Variants in FAM178B observed in about 807,000 individuals in gnomAD.
FAM178B encodes family with sequence similarity 178 member B.
In FAM178B, 82 loss-of-function variants were observed where a neutral mutation model predicts 91.7. That is an observed-to-expected ratio of 0.89 (90% CI 0.75 to 1.07). The LOEUF (loss-of-function observed/expected upper bound fraction) is 1.07, where lower values mean the gene tolerates loss of function less well. FAM178B is among the 50% of genes least tolerant of loss of function. The pLI, the probability that FAM178B is intolerant of heterozygous loss-of-function variation, is 0.00. For synonymous variants in FAM178B, 368 were observed against 359.4 expected, an observed-to-expected ratio of 1.02 and a Z score of -0.27; for missense variants, 769 against 846.7, an observed-to-expected ratio of 0.91 and a Z score of 1.14.
At chr2:96,973,727 G>A (rs1008367027) in intron 1 of FAM178B, among the ~76,000 whole-genome samples, 2 of 152,182 alleles carry the variant, frequency 1.3e-5, no homozygotes, top group Admixed American at 1.3e-4. Flanking sequence ...GAGGCTGGGT[G>A]CGGTGGCTCA....
intron 12 of FAM178B, among the ~76,000 whole-genome samples, chr2:96,919,110 G>A (rs2153370672): frequency 6.6e-6 from 1 of 152,344 alleles, no homozygotes; most frequent in South Asian, 2.1e-4. Flanking sequence ...CTTGGTGTCT[G>A]AGGGGTTCTG....
chr2:96,969,099 T>C (rs1172339725), intron 4 of FAM178B, among the ~76,000 whole-genome samples: 1 of 152,192 alleles, frequency 6.6e-6, no homozygotes, highest in Non-Finnish European at 1.5e-5. Context: ...CACGGCAACA[T>C]GACAGTGTGG....
chr2:96,942,109 C>T (rs2081742195), intron 8 of FAM178B, among the ~76,000 whole-genome samples: 1 of 152,188 alleles, frequency 6.6e-6, no homozygotes, highest in Non-Finnish European at 1.5e-5. Flanking sequence ...CTACTTATAA[C>T]AGCACCAAAA....
At position 96,981,793 on chromosome 2, in the gene FAM178B, A is replaced by G. The variant is rs1360587774; in HGVS notation, c.73+4448T>C. Among the ~76,000 whole-genome samples the G allele has an allele frequency of 8.7e-5, 13 of 149,974 alleles. No homozygotes were observed. The East Asian group carries it at 2.6e-3, about 30-fold the overall frequency. ...AAAGAAACTGTCCTCTAGGCTGGGC[A>G]CAGGGGCTCACACCTGTAATCCCAG... On this transcript the variant is annotated intron_variant, in intron 1 of 16. Transcript: ENST00000490605.
At chr2:96,976,323 G>A (rs1201126271) in intron 1 of FAM178B, among the ~76,000 whole-genome samples, 1 of 150,152 alleles carries the variant, frequency 6.7e-6, no homozygotes, top group Non-Finnish European at 1.5e-5. Context: ...TCAACCTCCT[G>A]ACCTCATGAT....
chr2:96,977,322 T>C (rs2082303390), intron 1 of FAM178B, among the ~76,000 whole-genome samples: 1 of 143,544 alleles, frequency 7.0e-6, no homozygotes, highest in South Asian at 2.2e-4. Flanking sequence ...GAGGTGGAGG[T>C]TGCAGTGAGC....
At chr2:96,889,718 A>AC (rs1197608597) in intron 14 of FAM178B, among the ~76,000 whole-genome samples, 118 of 136,410 alleles carry the variant, frequency 8.7e-4, no homozygotes, top group African/African-American at 2.8e-3. Context: ...ATAAATAAAT[A>AC]AATACAAAAA....
intron 13 of FAM178B, among the ~76,000 whole-genome samples, chr2:96,900,440 A>C (rs780303152): frequency 7.2e-5 from 11 of 152,096 alleles, no homozygotes; most frequent in Admixed American, 3.9e-4. Context: ...TGTGCCAGGC[A>C]CCGCCAGGTG....
At chr2:96,933,385 G>A (rs967611100) in intron 8 of FAM178B, among the ~76,000 whole-genome samples, 1 of 152,148 alleles carries the variant, frequency 6.6e-6, no homozygotes, top group African/African-American at 2.4e-5. Flanking sequence ...GGGGTATGGG[G>A]GGAAGATAGA....
rs541683195 is a variant in FAM178B at position 96,923,091 on chromosome 2, C to T, written c.1287+399G>A. 1.3e-3 allele frequency among the ~76,000 whole-genome samples: 198 copies of T among 152,288 alleles called. 1 individual carries two copies. The highest frequency in any genetic ancestry group is 4.6e-3 in the African/African-American group (190 of 41,556). On this transcript the variant is annotated intron_variant, in intron 10 of 16. Transcript: ENST00000490605. ...TCAGGCAATTCTCCTGTCTCAGCCT[C>T]CTGAGCAGATGGGACTACAGGTGTC...
chr2:96,948,214 C>A (rs553030536), intron 7 of FAM178B, among the ~76,000 whole-genome samples: 1 of 152,260 alleles, frequency 6.6e-6, no homozygotes, highest in Admixed American at 6.5e-5. Flanking sequence ...GGTCCCTCTG[C>A]CCCTCGCTCC....
intron 8 of FAM178B, among the ~76,000 whole-genome samples, chr2:96,945,941 C>T (rs1353904789): frequency 6.6e-6 from 1 of 152,124 alleles, no homozygotes; most frequent in African/African-American, 2.4e-5. Flanking sequence ...CATCCATCTC[C>T]GAACTCTTTT....
chr2:96,924,253 A>C (rs2081396778), intron 9 of FAM178B, among the ~76,000 whole-genome samples: 1 of 152,230 alleles, frequency 6.6e-6, no homozygotes. Flanking sequence ...CCGTTCGACA[A>C]GGGTGAGCCT....
rs183656083 is a variant in FAM178B at position 96,952,377 on chromosome 2, G to A, written c.888-893C>T. Among the ~76,000 whole-genome samples, 24 of 152,304 alleles carry A rather than the reference G, an allele frequency of 1.6e-4. No individual in the cohort carries two copies. In the East Asian group the frequency reaches 3.7e-3, roughly 23 times the overall value. On this transcript the variant is annotated intron_variant, in intron 6 of 16. Transcript: ENST00000490605. ...TTCAGAAACCATGTGAGCTGCAAGT[G>A]TCCCAGATTCCAGGGATGGGGGCGT...
At chr2:96,882,320 G>A (rs1424393008) in intron 14 of FAM178B, among the ~76,000 whole-genome samples, 1 of 152,206 alleles carries the variant, frequency 6.6e-6, no homozygotes, top group Non-Finnish European at 1.5e-5. Flanking sequence ...GTGGACACCC[G>A]ATTCGCCCAG....
At chr2:96,906,572 C>T (rs2153369699) in intron 12 of FAM178B, among the ~76,000 whole-genome samples, 1 of 152,300 alleles carries the variant, frequency 6.6e-6, no homozygotes, top group Non-Finnish European at 1.5e-5. Flanking sequence ...TTCCCACTTC[C>T]CCCACACTGA....
Position 96,936,852 on chromosome 2 carries a change from C to T in FAM178B, c.1079-7532G>A, listed in dbSNP as rs574518849. On this transcript the variant is annotated intron_variant, in intron 8 of 16. Coordinates refer to ENST00000490605, the MANE Select transcript of FAM178B (RefSeq NM_001122646.3). Reference sequence around the variant, plus strand: ...AAAAAAATAACAACAGGAGGGGGGTCTCCACACACCATTTCTTGGGCAGCA... The same window carrying T: ...AAAAAAATAACAACAGGAGGGGGGTTTCCACACACCATTTCTTGGGCAGCA... Among the ~76,000 whole-genome samples the T allele has an allele frequency of 1.7e-4, 26 of 151,940 alleles. 1 individual carries two copies. Among genetic ancestry groups the T allele is most frequent in the African/African-American group, 6.3e-4 (26 of 41,448 alleles).
chr2:96,886,039 G>C (rs2080511969), intron 14 of FAM178B, among the ~76,000 whole-genome samples: 1 of 152,166 alleles, frequency 6.6e-6, no homozygotes, highest in African/African-American at 2.4e-5. Flanking sequence ...TGTCTCCGCG[G>C]TGTTGGCACG....
chr2:96,985,300 T>C (rs1255214883), intron 1 of FAM178B, among the ~76,000 whole-genome samples: 2 of 152,138 alleles, frequency 1.3e-5, no homozygotes, highest in Non-Finnish European at 2.9e-5. Context: ...AGGACTGAAG[T>C]CGTCTTGTTC....
Sources: allele counts gnomAD v4.1 joint callset (sites outside exome capture counted in the v4.1 genomes callset), GRCh38; gene constraint gnomAD v4.1.1; transcripts MANE v1.5; gene names NCBI Gene and HGNC (gene_info 2026-07-23, HGNC 2026-07-21).